SYNE2: variants seen among roughly 807,000 people sequenced by gnomAD.
The protein encoded by SYNE2 is spectrin repeat containing nuclear envelope protein 2.
Under a neutral mutation model 856.3 loss-of-function variants are expected in SYNE2, and 431 were observed. That is an observed-to-expected ratio of 0.50 (90% CI 0.47 to 0.55). The LOEUF (loss-of-function observed/expected upper bound fraction) is 0.55, where lower values mean the gene tolerates loss of function less well. Ranked by LOEUF, SYNE2 falls within the 20% of genes least tolerant of loss-of-function variation. The pLI, the probability that SYNE2 is intolerant of heterozygous loss-of-function variation, is 0.00. For synonymous variants in SYNE2, 2,923 were observed against 2,872.3 expected (o/e 1.02, Z -0.56); for missense variants, 8,129 against 8,023.2 (o/e 1.01, Z -0.50).
intron 1 of SYNE2, among the ~76,000 whole-genome samples, chr14:63,827,794 A>G (rs963361699): frequency 9.2e-5 from 14 of 151,902 alleles, no homozygotes; most frequent in African/African-American, 3.4e-4. Context: ...GAGATCAGCC[A>G]AGAAATTGGC....
chr14:63,783,985 G>A (rs1887420291), intron 1 of SYNE2, among the ~76,000 whole-genome samples: 1 of 152,154 alleles, frequency 6.6e-6, no homozygotes. Context: ...AATGTATCAA[G>A]GGGTAAAGAA....
chr14:64,201,592 G>C (rs538566991), intron 99 of SYNE2, among the ~76,000 whole-genome samples: 1 of 152,194 alleles, frequency 6.6e-6, no homozygotes, highest in Admixed American at 6.5e-5. Flanking sequence ...ACTATTGAAG[G>C]CTTTGAGCGT....
chr14:64,043,612 A>T (rs1277562694), intron 45 of SYNE2, among the ~76,000 whole-genome samples: 1 of 152,318 alleles, frequency 6.6e-6, no homozygotes, highest in African/African-American at 2.4e-5. Flanking sequence ...GGAGCCAAGG[A>T]ACAGCTCGGG....
Position 64,220,462 on chromosome 14 carries a change from A to C in SYNE2, c.19886A>C (p.Tyr6629Ser). Reference sequence around the variant, plus strand: ...GAGATACTGAAAGCCTTTGACACTTACAAGGCATTAGTGGTCTCTGTCAAC... The same window carrying C: ...GAGATACTGAAAGCCTTTGACACTTCCAAGGCATTAGTGGTCTCTGTCAAC... ...LQEILKAFDT[Y>S]KALVVSVNVS... The change falls in exon 111 of 116, where the codon TAC (tyrosine) becomes TCC (serine). Residue 6629 changes from tyrosine (Y) to serine (S), a missense_variant. Physicochemically the swap from Tyr to Ser is moderately radical, Grantham distance 144 (BLOSUM62 -2). This residue lies in a region of SYNE2 where 5,410 missense variants were observed against 5,284.8 expected (regional missense o/e 1.02). Coordinates refer to ENST00000555002, the MANE Select transcript of SYNE2 (RefSeq NM_182914.3). The C allele has an allele frequency of 6.2e-7, 1 of 1,614,168 alleles. No individual in the cohort carries two copies. The highest frequency in any genetic ancestry group is 8.5e-7 in the Non-Finnish European group (1 of 1,180,020).
In SYNE2 at chr14:64,202,866, G is replaced by A. The variant is rs963291095; in HGVS notation, c.18104G>A (p.Arg6035His). The change falls in exon 100 of 116, where the codon CGC (arginine) becomes CAC (histidine). Residue 6035 changes from arginine to histidine, a missense_variant. By Grantham distance (29) the Arg-to-His change is conservative. This residue lies in a region of SYNE2 where 5,410 missense variants were observed against 5,284.8 expected (regional missense o/e 1.02). Coordinates refer to ENST00000555002, the MANE Select transcript of SYNE2 (RefSeq NM_182914.3). The part of the protein sequence containing the change: ...QQLDKNMSNL[R>H]TWLARIESEL... ...TTGGACAAAAACATGAGCAACCTTC[G>A]CACCTGGTTGGCTCGAATTGAGTCT... is the stretch of plus-strand genomic sequence containing the variant. 12 of 1,613,970 alleles carry A rather than the reference G, an allele frequency of 7.4e-6. No individual in the cohort carries two copies. The highest frequency in any genetic ancestry group is 4.0e-5 in the African/African-American group (3 of 74,884).
At chr14:64,119,340 G>A in intron 66 of SYNE2, 87 bp from the exon 67 acceptor site, 1 of 1,537,414 alleles carries the variant, frequency 6.5e-7, no homozygotes, top group Non-Finnish European at 9.0e-7. Flanking sequence ...ATACACTTAA[G>A]TAAAAAGAGT....
intron 77 of SYNE2, among the ~76,000 whole-genome samples, chr14:64,133,057 T>C (rs967098063): frequency 6.9e-6 from 1 of 143,908 alleles, no homozygotes; most frequent in Non-Finnish European, 1.5e-5. Context: ...AAAAAAAAAA[T>C]TAGCTGGGCG....
chr14:64,150,321 A>AAAAAAAAAAAAAAAAG lies in SYNE2; in HGVS notation c.15640-2243_15640-2242insAAAAAAAAAAAAAAAG, dbSNP rs766798501. Among the ~76,000 whole-genome samples the AAAAAAAAAAAAAAAAG allele has an allele frequency of 2.5e-5, 3 of 119,490 alleles. 1 individual carries two copies. The highest frequency in any genetic ancestry group is 3.4e-5 in the Non-Finnish European group (2 of 58,616). The allele number at this position is 119,490 out of a possible 152,430, so 78.4% of individuals were successfully genotyped here. A position where few individuals can be genotyped will look rare whatever the true frequency, so the allele number is the denominator to read the frequency against. On this transcript the variant is annotated intron_variant, in intron 84 of 115. Transcript: ENST00000555002. ...AAAAAAAAAAAAAAAAAAAAAAAAAAGGATCCTCCCGCCTCAGCCTCTCAA... is the reference window on the plus strand; with the variant it reads ...AAAAAAAAAAAAAAAAAAAAAAAAAAAAAAAAAAAAAAAAAGGGATCCTCCCGCCTCAGCCTCTCAA...
chr14:64,139,417 T>A lies in SYNE2; in HGVS notation c.14844-524T>A, dbSNP rs184245679. ...AGACTTCCTCATTATTATTATTATT[T>A]TTTTTTTTATTTGAGACAGAGTCTT... On this transcript the variant is annotated intron_variant, in intron 79 of 115. Transcript: ENST00000555002. 4.9e-3 allele frequency among the ~76,000 whole-genome samples: 745 copies of A among 151,782 alleles called. 5 individuals carry two copies. Among genetic ancestry groups the A allele is most frequent in the East Asian group, 0.013 (66 of 5,170 alleles).
At chr14:64,215,747 G>A (rs2098663474) in intron 107 of SYNE2, 1 of 396,186 alleles carries the variant, frequency 2.5e-6, no homozygotes, top group South Asian at 2.8e-5. Context: ...GGGGGTTGGG[G>A]CGGTAAAGGG....
At chr14:64,179,522 A>G (rs972743051) in intron 96 of SYNE2, among the ~76,000 whole-genome samples, 4 of 152,244 alleles carry the variant, frequency 2.6e-5, no homozygotes, top group Non-Finnish European at 4.4e-5. Context: ...ACTGCTGTAT[A>G]GTATGCATTA....
At chr14:63,984,096 A>G (rs1415164578) in intron 18 of SYNE2, among the ~76,000 whole-genome samples, 1 of 152,152 alleles carries the variant, frequency 6.6e-6, no homozygotes, top group African/African-American at 2.4e-5. Flanking sequence ...ACGAAAGATT[A>G]GCTGGACGTG....
chr14:63,980,581 A>G, intron 14 of SYNE2, 73 bp from the exon 15 acceptor site: 7 of 990,964 alleles, frequency 7.1e-6, no homozygotes, highest in Non-Finnish European at 1.1e-5. Context: ...GAATGGCTGT[A>G]TCTCACTATC....
At chr14:64,039,424 T>A (rs1279626391) in intron 45 of SYNE2, among the ~76,000 whole-genome samples, 2 of 152,222 alleles carry the variant, frequency 1.3e-5, no homozygotes, top group African/African-American at 4.8e-5. Context: ...AAGTGGAATG[T>A]TCACTTTGTG....
intron 84 of SYNE2, among the ~76,000 whole-genome samples, chr14:64,146,713 G>A (rs549346308): frequency 9.8e-5 from 15 of 152,308 alleles, no homozygotes; most frequent in South Asian, 2.1e-4. Context: ...GGTGTTGTCC[G>A]TGGTTCAGCT....
At chr14:64,184,882 T>C (rs537417770) in intron 96 of SYNE2, among the ~76,000 whole-genome samples, 1 of 152,384 alleles carries the variant, frequency 6.6e-6, no homozygotes, top group Non-Finnish European at 1.5e-5. Context: ...TATGAAATCA[T>C]GCCAGTGTAG....
intron 45 of SYNE2, among the ~76,000 whole-genome samples, chr14:64,046,707 A>T (rs992219549): frequency 6.6e-6 from 1 of 152,196 alleles, no homozygotes; most frequent in African/African-American, 2.4e-5. Flanking sequence ...CCAGACTCAT[A>T]AAAGAGGCAC....
Position 64,098,160 on chromosome 14 carries a change from T to C in SYNE2, c.12306+14T>C. On this transcript the variant is annotated intron_variant, in intron 62 of 115. Coordinates refer to ENST00000555002, the MANE Select transcript of SYNE2 (RefSeq NM_182914.3). ...TCTGAGCGGAAGGTGGGTATGACTT[T>C]AGGTTAATGCTGGCCCCACACTCCA... is the stretch of plus-strand genomic sequence containing the variant. 2 of 1,613,376 alleles carry C rather than the reference T, an allele frequency of 1.2e-6. No homozygotes were observed. Among genetic ancestry groups the C allele is most frequent in the Non-Finnish European group, 1.7e-6 (2 of 1,179,724 alleles).
intron 6 of SYNE2, among the ~76,000 whole-genome samples, chr14:63,948,940 A>G (rs2096101624): frequency 6.6e-6 from 1 of 151,304 alleles, no homozygotes; most frequent in South Asian, 2.1e-4. Flanking sequence ...CAATTGCTGC[A>G]GCTTGATTTA....
Sources: gnomAD v4.1 joint callset for allele counts (sites outside exome capture counted in the v4.1 genomes callset) on GRCh38, gnomAD v4.1.1 for gene constraint, gnomAD v4.1.1 regional missense constraint, MANE v1.5 for transcripts, NCBI Gene and HGNC (gene_info 2026-07-23, HGNC 2026-07-21) for gene names.